Variants in COL6A1 observed in about 807,000 individuals in gnomAD.
COL6A1 encodes collagen alpha-1(VI) chain.
In COL6A1, 80 loss-of-function variants were observed where a neutral mutation model predicts 145.6. That is an observed-to-expected ratio of 0.55 (90% confidence interval 0.46 to 0.66). COL6A1 has a LOEUF of 0.66. COL6A1 is among the 30% of genes least tolerant of loss of function. The probability of loss-of-function intolerance (pLI) is 0.00; values close to 1 mark genes in which losing one functional copy is unlikely to be tolerated. For synonymous variants in COL6A1, 638 were observed against 622.8 expected (o/e 1.02, Z -0.36); for missense variants, 1,364 against 1,473.8 (o/e 0.93, Z 1.22).
chr21:45,984,549 T>C, intron 3 of COL6A1, 80 bp downstream of exon 3: 4 of 1,393,466 alleles, frequency 2.9e-6, no homozygotes, highest in Non-Finnish European at 4.0e-6. Flanking sequence ...CTGGGGTCCC[T>C]GTGCGGCTTC....
chr21:45,997,509 C>T (rs372186236), intron 21 of COL6A1, 26 bp downstream of exon 21: 26 of 1,533,534 alleles, frequency 1.7e-5, no homozygotes, highest in African/African-American at 1.2e-4. Context: ...CACCCACACC[C>T]GCCCACCCAG....
chr21:46,003,866 G>A lies in COL6A1; in HGVS notation c.2940G>A (p.Glu980=), dbSNP rs918635910. Residue 980 remains glutamate (E), a synonymous_variant, in exon 35 of 35, where the codon GAG becomes GAA. Coordinates refer to ENST00000361866, the MANE Select transcript of COL6A1 (RefSeq NM_001848.3). ...TGGTCGTGGGCCGCCAGGTGAATGA[G>A]CCCCACATCCGCGTCCTGGTCACCG... The part of the protein sequence containing the change: ...FVVVVGRQVN[E]PHIRVLVTGK... 3.1e-6 allele frequency: 5 copies of A among 1,600,840 alleles called. No individual in the cohort carries two copies. Among genetic ancestry groups the A allele is most frequent in the Non-Finnish European group, 4.3e-6 (5 of 1,170,808 alleles).
intron 14 of COL6A1, 61 bp from the exon 15 acceptor site, chr21:45,990,918 G>A (rs770883857): frequency 3.1e-6 from 5 of 1,610,464 alleles, no homozygotes; most frequent in Admixed American, 1.7e-5. Flanking sequence ...GCGGTCTGGG[G>A]CTGCTGCCAG....
chr21:45,996,840 G>T (rs2077807388), intron 20 of COL6A1, among the ~76,000 whole-genome samples: 1 of 152,178 alleles, frequency 6.6e-6, no homozygotes, highest in Admixed American at 6.5e-5. Context: ...CATGAGATGT[G>T]GGGGACCCAA....
intron 2 of COL6A1, among the ~76,000 whole-genome samples, chr21:45,983,053 G>A (rs960089223): frequency 2.0e-5 from 3 of 152,240 alleles, no homozygotes; most frequent in African/African-American, 7.2e-5. Context: ...CAGTGAGGCT[G>A]AGATGTAGGG....
chr21:45,991,039 A>C lies in COL6A1; in HGVS notation c.1117A>C (p.Lys373Gln), dbSNP rs144677931. Residue 373 changes from lysine (K) to glutamine (Q), a missense_variant and splice_region_variant, in exon 15 of 35, where the codon AAG becomes CAG. Around this residue, in one of 3 missense-constraint regions of COL6A1, gnomAD observed 938 missense variants for 1,003.8 expected, o/e 0.93. Coordinates refer to ENST00000361866, the MANE Select transcript of COL6A1 (RefSeq NM_001848.3). ...DPGAFGLKGE[K>Q]GEPGADGEAG... ...CGGTGCCTTTGGACTGAAAGGAGAA[A>C]AGGTGAGTGACTTGCGGCCCCTGGA... 1.9e-6 allele frequency: 3 copies of C among 1,613,154 alleles called. No individual in the cohort carries two copies. Among genetic ancestry groups the C allele is most frequent in the Non-Finnish European group, 2.5e-6 (3 of 1,179,850 alleles).
chr21:45,983,977 C>G (rs1488941900), intron 2 of COL6A1, among the ~76,000 whole-genome samples: 1 of 152,212 alleles, frequency 6.6e-6, no homozygotes, highest in South Asian at 2.1e-4. Context: ...CTCCTTCCCC[C>G]ACTGTCATGC....
chr21:46,002,567 C>G lies in COL6A1; in HGVS notation c.2291C>G (p.Pro764Arg). ...VGIKDVFDFI[P>R]GSDQLNVISC... ...ATCAAAGACGTGTTTGACTTCATCC[C>G]AGGCTCAGACCAGCTCAATGTCATT... The change falls in exon 33 of 35, where the codon CCA becomes CGA. Residue 764 changes from proline (P) to arginine (R), a missense_variant. By Grantham distance (103) the Pro-to-Arg change is moderately radical. Transcript: ENST00000361866. 1 of 1,614,156 alleles carries G rather than the reference C, an allele frequency of 6.2e-7. No individual in the cohort carries two copies. The highest frequency in any genetic ancestry group is 8.5e-7 in the Non-Finnish European group (1 of 1,180,010).
In COL6A1 at chr21:45,990,718, G is replaced by A; in HGVS notation, c.1003-55G>A. On this transcript the variant is annotated intron_variant, in intron 13 of 34. Transcript: ENST00000361866. The stretch of plus-strand genomic sequence containing the variant: ...AGGGCACCAAGTCTGACAGTTGATT[G>A]GCCTCAGTTTACCCACTTGGCCGTC... The A allele has an allele frequency of 2.0e-6, 3 of 1,501,980 alleles. No homozygotes were observed. In the South Asian group the frequency reaches 3.4e-5, roughly 17 times the overall value. 93.0% of individuals were successfully genotyped at this position (1,501,980 alleles called of 1,614,324 possible).
rs568760186 is a variant in COL6A1 at position 45,986,748 on chromosome 21, C to T, written c.588+63C>T. On this transcript the variant is annotated intron_variant, in intron 4 of 34. Coordinates refer to ENST00000361866, the MANE Select transcript of COL6A1 (RefSeq NM_001848.3). Reference sequence around the variant, plus strand: ...CAGGGAGTGGCGGCTGCAAGGCCCCCGGCAGCTGGGACCGTCTTTTGGTCC... The same window carrying T: ...CAGGGAGTGGCGGCTGCAAGGCCCCTGGCAGCTGGGACCGTCTTTTGGTCC... 3.0e-4 allele frequency: 452 copies of T among 1,529,126 alleles called. 2 individuals are homozygous for T. The African/African-American group carries it at 5.2e-3, about 18-fold the overall frequency. 94.7% of individuals were successfully genotyped at this position (1,529,126 alleles called of 1,614,324 possible).
At position 45,982,689 on chromosome 21, in the gene COL6A1, G is replaced by A. The variant is rs200311716; in HGVS notation, c.153G>A (p.Arg51=). Reference sequence around the variant, plus strand: ...ACACCTCTGAGAGCGTGGCCCTGAGGCTGAAGCCCTACGGGGCCCTCGTGG... The same window carrying A: ...ACACCTCTGAGAGCGTGGCCCTGAGACTGAAGCCCTACGGGGCCCTCGTGG... ...VLDTSESVAL[R]LKPYGALVDK... is the part of the protein sequence containing the mutation. Residue 51 remains arginine (R), a synonymous_variant, in exon 2 of 35, where the codon AGG becomes AGA. Coordinates refer to ENST00000361866, the MANE Select transcript of COL6A1 (RefSeq NM_001848.3). 5.6e-6 allele frequency: 9 copies of A among 1,612,920 alleles called. No individual in the cohort carries two copies. In the African/African-American group the frequency reaches 1.2e-4, roughly 21 times the overall value.
rs536513841 is a variant in COL6A1, at chr21:45,992,949, G to A, written c.1335+139G>A. On this transcript the variant is annotated intron_variant, in intron 19 of 34. Coordinates refer to ENST00000361866, the MANE Select transcript of COL6A1 (RefSeq NM_001848.3). ...AACGTGGCCAGCCCATCCCCACGCC[G>A]TCAGGGAGGGCAGCCCCTGAAGCCG... 843 of 729,586 alleles carry A rather than the reference G, an allele frequency of 1.2e-3. 7 individuals carry two copies. The highest frequency in any genetic ancestry group is 0.01 in the African/African-American group (575 of 56,108). The allele number at this position is 729,586 out of a possible 1,614,324, so 45.2% of individuals were successfully genotyped here. A position where few individuals can be genotyped will look rare whatever the true frequency, so the allele number is the denominator to read the frequency against.
chr21:45,985,151 G>A (rs1030003907), intron 3 of COL6A1, among the ~76,000 whole-genome samples: 1 of 146,842 alleles, frequency 6.8e-6, no homozygotes, highest in African/African-American at 2.5e-5. Flanking sequence ...CAGAGACAGC[G>A]AAACAGAGAC....
chr21:46,003,249 C>T (rs575299000), intron 34 of COL6A1, 100 bp downstream of exon 34: 55 of 1,606,068 alleles, frequency 3.4e-5, no homozygotes, highest in African/African-American at 3.1e-4. Flanking sequence ...CTGGCGGTCA[C>T]GAGAGTAGGT....
rs914208942 is a variant in COL6A1 at position 46,002,369 on chromosome 21, C to T, written c.2218C>T (p.Pro740Ser). 6.3e-7 allele frequency: 1 copy of T among 1,594,612 alleles called. No individual in the cohort carries two copies. Among genetic ancestry groups the T allele is most frequent in the Non-Finnish European group, 8.5e-7 (1 of 1,171,114 alleles). The change falls in exon 32 of 35, where the codon CCG (proline) becomes TCG (serine). Residue 740 changes from proline (P) to serine (S), a missense_variant. Around this residue, in one of 3 missense-constraint regions of COL6A1, gnomAD observed 938 missense variants for 1,003.8 expected, o/e 0.93. Transcript: ENST00000361866. ...GRSDTQRDTT[P>S]LNVLCSPGIQ... is the part of the protein sequence containing the mutation. ...CTCAGACACTCAGAGGGACACCACACCGCTCAACGTGCTCTGCAGCCCCGG... is the reference window on the plus strand; with the variant it reads ...CTCAGACACTCAGAGGGACACCACATCGCTCAACGTGCTCTGCAGCCCCGG...
At position 45,991,045 on chromosome 21, in the gene COL6A1, A is replaced by C; in HGVS notation, c.1119+4A>C. On this transcript the variant is annotated splice_donor_region_variant and intron_variant, in intron 15 of 34. Transcript: ENST00000361866. ...CTTTGGACTGAAAGGAGAAAAGGTG[A>C]GTGACTTGCGGCCCCTGGAGGACCA... 1.2e-6 allele frequency: 2 copies of C among 1,613,118 alleles called. No individual in the cohort carries two copies. The highest frequency in any genetic ancestry group is 1.7e-6 in the Non-Finnish European group (2 of 1,179,846).
In COL6A1 at chr21:45,989,251, G is replaced by A. The variant is rs2077760133; in HGVS notation, c.858+114G>A. Reference sequence around the variant, plus strand: ...TCTGAGTGCCAAAGTCACACTGCCTGTTCCTTGTGGGTGGGAGCAGACCTG... The same window carrying A: ...TCTGAGTGCCAAAGTCACACTGCCTATTCCTTGTGGGTGGGAGCAGACCTG... On this transcript the variant is annotated intron_variant, in intron 9 of 34. Coordinates refer to ENST00000361866, the MANE Select transcript of COL6A1 (RefSeq NM_001848.3). 4.3e-6 allele frequency: 5 copies of A among 1,174,092 alleles called. No homozygotes were observed. The African/African-American group carries it at 4.6e-5, about 11-fold the overall frequency. The allele number at this position is 1,174,092 out of a possible 1,614,324, so 72.7% of individuals were successfully genotyped here.
In COL6A1 at chr21:45,994,938, C is replaced by T. The variant is rs953111841; in HGVS notation, c.1398+709C>T. Among the ~76,000 whole-genome samples the T allele has an allele frequency of 6.6e-6, 1 of 152,236 alleles. No homozygotes were observed. The highest frequency in any genetic ancestry group is 6.5e-5 in the Admixed American group (1 of 15,278). ...TTGTCTGCTTCTGTGGACAAATCGACCTTACGGCTCCATGTGCGCAGCTGC... is the reference window on the plus strand; with the variant it reads ...TTGTCTGCTTCTGTGGACAAATCGATCTTACGGCTCCATGTGCGCAGCTGC... On this transcript the variant is annotated intron_variant, in intron 20 of 34. Transcript: ENST00000361866. This position sits in a 1 kb window ranked among gnomAD's most constrained non-coding sequence, Gnocchi z 6.8.
intron 20 of COL6A1, among the ~76,000 whole-genome samples, chr21:45,996,752 C>T (rs565161659): frequency 1.1e-4 from 17 of 152,296 alleles, no homozygotes; most frequent in African/African-American, 2.6e-4. Flanking sequence ...AGGGACTCGC[C>T]GCTGGAGTTG....
Sources: gnomAD v4.1 joint callset for allele counts (sites outside exome capture counted in the v4.1 genomes callset) on GRCh38, gnomAD v4.1.1 for gene constraint, gnomAD v4.1.1 regional missense constraint, Gnocchi (gnomAD v3.1) non-coding constraint, MANE v1.5 for transcripts, NCBI Gene and HGNC (gene_info 2026-07-23, HGNC 2026-07-21) for gene names.